The following PCYT1B variants were observed in gnomAD, a reference collection of about 807,000 sequenced individuals.
PCYT1B encodes choline-phosphate cytidylyltransferase B.
Under a neutral mutation model 26.4 loss-of-function variants are expected in PCYT1B, and 10 were observed. The ratio of observed to expected loss-of-function variants is 0.38; its 90% CI spans 0.23 to 0.64. PCYT1B has a LOEUF of 0.64. PCYT1B is among the 30% of genes least tolerant of loss of function. PCYT1B has a pLI of 0.56. For missense variants in PCYT1B, 161 were observed against 292.7 expected, an observed-to-expected ratio of 0.55 and a Z score of 3.28; for synonymous variants, 131 against 108.4, an observed-to-expected ratio of 1.21 and a Z score of -1.29.
At chrX:24,620,190 T>C (rs192598034) in intron 1 of PCYT1B, among the ~76,000 whole-genome samples, 26 of 112,501 alleles carry the variant, frequency 2.3e-4, no homozygotes, top group African/African-American at 7.7e-4. Flanking sequence ...ACTTCTGCCA[T>C]TTATTTATCC....
intron 2 of PCYT1B, among the ~76,000 whole-genome samples, chrX:24,608,916 T>C (rs1439666134): frequency 1.8e-5 from 2 of 112,070 alleles, no homozygotes; most frequent in African/African-American, 6.5e-5. Flanking sequence ...CCTACATTTA[T>C]ATAGAAAATT....
In PCYT1B at chrX:24,558,715, C is replaced by T. The variant is rs969846849; in HGVS notation, c.*3578G>A. Reference sequence around the variant, plus strand: ...GGTTAGAAGCCAGGCCAATGTCTCACGTCCTGCTCCTCTTGAGCCTGGCAT... The same window carrying T: ...GGTTAGAAGCCAGGCCAATGTCTCATGTCCTGCTCCTCTTGAGCCTGGCAT... On this transcript the variant is annotated 3_prime_UTR_variant, in exon 8 of 8. Transcript: ENST00000379144. 6.5e-5 allele frequency: 7 copies of T among 108,426 alleles called. No individual in the cohort carries two copies. The highest frequency in any genetic ancestry group is 2.9e-4 in the East Asian group (1 of 3,458). The allele number at this position is 108,426 out of a possible 1,213,427, so 8.9% of individuals were successfully genotyped here.
chrX:24,593,010 TTCAAGCGATTCTCCTGCC>T (rs1431380034), intron 3 of PCYT1B, among the ~76,000 whole-genome samples: 1 of 111,082 alleles, frequency 9.0e-6, no homozygotes, highest in Non-Finnish European at 1.9e-5. Flanking sequence ...GCCTCCCGGG[TTCAAGCGATTCTCCTGCC>T]TCAGCCTCCC....
At position 24,562,039 on chromosome X, in the gene PCYT1B, A is replaced by G. The variant is rs780501780; in HGVS notation, c.*254T>C. 8.6e-7 allele frequency: 1 copy of G among 1,158,348 alleles called. No individual in the cohort carries two copies. Among genetic ancestry groups the G allele is most frequent in the South Asian group, 1.8e-5 (1 of 55,324 alleles). On this transcript the variant is annotated 3_prime_UTR_variant, in exon 8 of 8. Coordinates refer to ENST00000379144, the MANE Select transcript of PCYT1B (RefSeq NM_004845.5). ...AGGGAACTCTGCATCCTTCCTTAGC[A>G]AGGTTAGAGTGACTCTAGACGCTAA...
chrX:24,564,641 C>T (rs1466025237), intron 7 of PCYT1B, among the ~76,000 whole-genome samples: 1 of 110,893 alleles, frequency 9.0e-6, no homozygotes, highest in Non-Finnish European at 1.9e-5. Flanking sequence ...TGTGAGCCAC[C>T]GCGCCCGGCC....
intron 3 of PCYT1B, among the ~76,000 whole-genome samples, chrX:24,593,590 G>A (rs1412301080): frequency 5.6e-5 from 6 of 106,671 alleles, no homozygotes; most frequent in African/African-American, 1.4e-4. Context: ...GCAATGGCGC[G>A]ATCTCAGCTC....
intron 5 of PCYT1B, among the ~76,000 whole-genome samples, chrX:24,586,982 C>T (rs1924390346): frequency 8.9e-6 from 1 of 111,993 alleles, no homozygotes; most frequent in Admixed American, 9.5e-5. Context: ...CGTCTGATGA[C>T]CCCGGAAATT....
At chrX:24,661,637 T>C (rs143547680) in intron 1 of PCYT1B, among the ~76,000 whole-genome samples, 53 of 112,029 alleles carry the variant, frequency 4.7e-4, no homozygotes, top group Non-Finnish European at 5.6e-4. Flanking sequence ...CAGCAAAATC[T>C]AGATTGTGGA....
intron 1 of PCYT1B, among the ~76,000 whole-genome samples, chrX:24,634,571 C>A (rs1330502134): frequency 1.8e-5 from 2 of 110,787 alleles, no homozygotes; most frequent in Non-Finnish European, 3.8e-5. Context: ...CATGGTGAAA[C>A]CCCGTCTCTA....
chrX:24,593,349 GTTTC>G (rs1230397206), intron 3 of PCYT1B, among the ~76,000 whole-genome samples: 41 of 106,116 alleles, frequency 3.9e-4, no homozygotes, highest in Non-Finnish European at 5.9e-4. Flanking sequence ...TTCTTTCTTT[GTTTC>G]TTTCTTTCTT....
intron 3 of PCYT1B, among the ~76,000 whole-genome samples, chrX:24,602,270 A>G (rs1256898782): frequency 8.9e-6 from 1 of 112,228 alleles, no homozygotes. Context: ...TATAATTCTA[A>G]TTATATGATG....
intron 1 of PCYT1B, among the ~76,000 whole-genome samples, chrX:24,644,841 C>T (rs1434833758): frequency 8.9e-6 from 1 of 111,912 alleles, no homozygotes; most frequent in Non-Finnish European, 1.9e-5. Context: ...GGGCGGATCA[C>T]CTGAGGGCAG....
rs780755939 is a variant in PCYT1B at position 24,562,165 on chromosome X, G to T, written c.*128C>A. 4.1e-6 allele frequency: 5 copies of T among 1,206,295 alleles called. No individual in the cohort carries two copies. Among genetic ancestry groups the T allele is most frequent in the Non-Finnish European group, 5.6e-6 (5 of 892,348 alleles). On this transcript the variant is annotated 3_prime_UTR_variant, in exon 8 of 8. Transcript: ENST00000379144. ...CTGGTCCCAAGACCTTCCCTTAGCA[G>T]AGTTCAGGGTCTCTCTGCTGAGCTG...
intron 3 of PCYT1B, among the ~76,000 whole-genome samples, chrX:24,592,503 A>G (rs1924601730): frequency 9.0e-6 from 1 of 110,726 alleles, no homozygotes; most frequent in African/African-American, 3.3e-5. Flanking sequence ...CAGCACCTCC[A>G]CTGCTCCCAT....
intron 1 of PCYT1B, among the ~76,000 whole-genome samples, chrX:24,670,761 G>A (rs1158388648): frequency 9.0e-6 from 1 of 110,988 alleles, no homozygotes; most frequent in African/African-American, 3.3e-5. Context: ...AAAGTACTTA[G>A]CCCGGGACAT....
intron 2 of PCYT1B, among the ~76,000 whole-genome samples, chrX:24,611,215 G>A (rs1156495465): frequency 9.0e-6 from 1 of 111,422 alleles, no homozygotes; most frequent in African/African-American, 3.3e-5. Flanking sequence ...ATGAGTGACA[G>A]GCACAGGAAG....
At position 24,559,624 on chromosome X, in the gene PCYT1B, C is replaced by T. The variant is rs1923329007; in HGVS notation, c.*2669G>A. The T allele has an allele frequency of 9.0e-6, 1 of 111,490 alleles. No homozygotes were observed. The highest frequency in any genetic ancestry group is 3.3e-5 in the African/African-American group (1 of 30,650). The allele number at this position is 111,490 out of a possible 1,213,427, so 9.2% of individuals were successfully genotyped here. On this transcript the variant is annotated 3_prime_UTR_variant, in exon 8 of 8. Transcript: ENST00000379144. ...CTCATTCTGAAGCTTCCTTTCCTCA[C>T]TAGGGCAAAAAGAATCTCTTTCCTT...
intron 1 of PCYT1B, among the ~76,000 whole-genome samples, chrX:24,637,920 C>G (rs1429637159): frequency 9.1e-6 from 1 of 109,674 alleles, no homozygotes; most frequent in East Asian, 2.9e-4. Context: ...TACCTTATAA[C>G]TAAACAATTT....
At chrX:24,576,077 G>T (rs1444066819) in intron 6 of PCYT1B, among the ~76,000 whole-genome samples, 2 of 112,363 alleles carry the variant, frequency 1.8e-5, no homozygotes, top group African/African-American at 6.5e-5. Flanking sequence ...GACAATGCAT[G>T]CAAAGTGCTT....
Sources: allele counts gnomAD v4.1 joint callset (sites outside exome capture counted in the v4.1 genomes callset), GRCh38; gene constraint gnomAD v4.1.1; transcripts MANE v1.5; gene names NCBI Gene and HGNC (gene_info 2026-07-23, HGNC 2026-07-21).